The following TBL1X variants were observed in gnomAD, a reference collection of about 807,000 sequenced individuals.
TBL1X encodes transducin beta like 1 X-linked, also known as F-box-like/WD repeat-containing protein TBL1X.
A neutral mutation model predicts 50.7 loss-of-function variants in TBL1X; 10 were observed. That is an observed-to-expected ratio of 0.20 (90% CI 0.12 to 0.33). The LOEUF is 0.33. TBL1X is among the 10% of genes least tolerant of loss of function. TBL1X has a pLI of 1.00. For synonymous variants in TBL1X, 190 were observed against 214.7 expected (o/e 0.88, Z 1.01); for missense variants, 340 against 504.4 (o/e 0.67, Z 3.12).
At chrX:9,464,319 C>A (rs1294997833), upstream of TBL1X, among the ~76,000 whole-genome samples, 3 of 111,489 alleles carry the variant, frequency 2.7e-5, no homozygotes, top group Non-Finnish European at 5.7e-5. Flanking sequence ...GCCCAGGTCC[C>A]CCCAACCTCC....
chrX:9,697,537 C>T (rs769092862), intron 12 of TBL1X, 108 bp downstream of exon 12: 156 of 1,066,414 alleles, frequency 1.5e-4, no homozygotes, highest in Middle Eastern at 3.7e-4. Flanking sequence ...TTTGGGAAGC[C>T]GAAGCAGGTG....
intron 7 of TBL1X, among the ~76,000 whole-genome samples, chrX:9,688,895 G>A (rs888446679): frequency 4.4e-5 from 5 of 113,712 alleles, no homozygotes; most frequent in South Asian, 3.5e-4. Flanking sequence ...CACCGTGTGC[G>A]CGCATGCACT....
At chrX:9,503,463 G>A (rs1488764128) in intron 2 of TBL1X, among the ~76,000 whole-genome samples, 1 of 108,736 alleles carries the variant, frequency 9.2e-6, no homozygotes, top group Non-Finnish European at 1.9e-5. Context: ...TGCTGTCTAA[G>A]CCCTTTGAAC....
At chrX:9,553,871 C>T (rs73631495) in intron 2 of TBL1X, among the ~76,000 whole-genome samples, 7,643 of 111,656 alleles carry the variant, frequency 0.068, 224 homozygotes, top group South Asian at 0.11. Context: ...TTACATACAT[C>T]TTCTTCTTAA....
At chrX:9,498,430 G>A (rs1483685297) in intron 1 of TBL1X, among the ~76,000 whole-genome samples, 1 of 112,353 alleles carries the variant, frequency 8.9e-6, no homozygotes, top group Non-Finnish European at 1.9e-5. Context: ...GAAACCTATA[G>A]GCCCTGGAGA....
intron 1 of TBL1X, among the ~76,000 whole-genome samples, chrX:9,496,720 C>T (rs1385558387): frequency 8.9e-6 from 1 of 111,784 alleles, no homozygotes. Context: ...CAGTCAGTGG[C>T]ATGAGGAATC....
intron 1 of TBL1X, among the ~76,000 whole-genome samples, chrX:9,484,401 CT>C (rs1413800968): frequency 8.9e-6 from 1 of 111,916 alleles, no homozygotes; most frequent in Non-Finnish European, 1.9e-5. Context: ...TTTACTTGTG[CT>C]TTTTTGTAAT....
intron 2 of TBL1X, among the ~76,000 whole-genome samples, chrX:9,523,676 C>T (rs1016466837): frequency 6.2e-5 from 7 of 112,400 alleles, no homozygotes; most frequent in Middle Eastern, 4.6e-3. Context: ...GGGAAATAAG[C>T]GCAAACTCCT....
At chrX:9,651,010 CCTTTTTTTTT>C (rs1462815078) in intron 3 of TBL1X, among the ~76,000 whole-genome samples, 55 of 75,459 alleles carry the variant, frequency 7.3e-4, no homozygotes, top group African/African-American at 2.7e-3. Flanking sequence ...TAGCTGCCAG[CCTTTTTTTTT>C]TTTTTTTTTT....
At chrX:9,714,054 G>A (rs769120655) in intron 16 of TBL1X, among the ~76,000 whole-genome samples, 6 of 106,915 alleles carry the variant, frequency 5.6e-5, no homozygotes, top group South Asian at 4.3e-4. Flanking sequence ...GGCTCAATCC[G>A]TCCTCCCGCC....
At chrX:9,484,916 TAAAAAAAAAA>T (rs760004328) in intron 1 of TBL1X, among the ~76,000 whole-genome samples, 2 of 41,311 alleles carry the variant, frequency 4.8e-5, no homozygotes, top group African/African-American at 1.8e-4. Flanking sequence ...ACCCTGGCAC[TAAAAAAAAAA>T]AAAAAAAAAA....
At chrX:9,548,006 A>T (rs1301980923) in intron 2 of TBL1X, among the ~76,000 whole-genome samples, 3 of 104,137 alleles carry the variant, frequency 2.9e-5, no homozygotes, top group African/African-American at 1.1e-4. Flanking sequence ...AAAAGGTTTC[A>T]GAAATTTTTA....
intron 1 of TBL1X, among the ~76,000 whole-genome samples, chrX:9,489,496 A>G (rs2081930315): frequency 1.8e-5 from 2 of 111,751 alleles, no homozygotes; most frequent in Non-Finnish European, 3.8e-5. Flanking sequence ...AGTCATGGTT[A>G]GCTGTGTCTC....
At chrX:9,643,402 A>G (rs986218585) in intron 3 of TBL1X, among the ~76,000 whole-genome samples, 2 of 112,015 alleles carry the variant, frequency 1.8e-5, no homozygotes, top group African/African-American at 6.5e-5. Context: ...GTGGAATTAT[A>G]GGCTATGGGG....
intron 2 of TBL1X, among the ~76,000 whole-genome samples, chrX:9,593,853 G>A (rs1033017337): frequency 9.0e-6 from 1 of 110,750 alleles, no homozygotes; most frequent in African/African-American, 3.3e-5. Flanking sequence ...CCTCTCCCTC[G>A]TCGGGCCCAC....
chrX:9,621,207 T>C (rs1363592962), intron 2 of TBL1X, among the ~76,000 whole-genome samples: 1 of 111,254 alleles, frequency 9.0e-6, no homozygotes, highest in Non-Finnish European at 1.9e-5. Flanking sequence ...GCTGGAGACA[T>C]CTGGGATGTA....
intron 2 of TBL1X, among the ~76,000 whole-genome samples, chrX:9,546,985 A>AT (rs1159630576): frequency 8.7e-5 from 9 of 103,591 alleles, no homozygotes; most frequent in African/African-American, 3.2e-4. Flanking sequence ...CGCCCGGCTA[A>AT]TTTTTTGTAT....
chrX:9,470,515 A>G (rs1026553508), intron 1 of TBL1X, among the ~76,000 whole-genome samples: 1 of 112,420 alleles, frequency 8.9e-6, no homozygotes, highest in Non-Finnish European at 1.9e-5. Flanking sequence ...TTAGCCTCCC[A>G]AAGTGCTGGG....
chrX:9,584,860 G>A (rs2082460164), intron 2 of TBL1X, among the ~76,000 whole-genome samples: 1 of 111,619 alleles, frequency 9.0e-6, no homozygotes, highest in Non-Finnish European at 1.9e-5. Flanking sequence ...TGTTTAGTGG[G>A]TATTAGATCT....
Sources: gnomAD v4.1 joint callset for allele counts (sites outside exome capture counted in the v4.1 genomes callset) on GRCh38, gnomAD v4.1.1 for gene constraint, MANE v1.5 for transcripts, NCBI Gene and HGNC (gene_info 2026-07-23, HGNC 2026-07-21) for gene names.